The following ALPK2 variants were observed in gnomAD, a reference collection of about 807,000 sequenced individuals.
ALPK2 encodes alpha-protein kinase 2.
Under a neutral mutation model 163.1 loss-of-function variants are expected in ALPK2, and 127 were observed. The observed-to-expected ratio is 0.78, with a 90% CI of 0.67 to 0.90. The LOEUF (loss-of-function observed/expected upper bound fraction) is 0.90, where lower values mean the gene tolerates loss of function less well. Among genes scored for constraint, ALPK2 ranks in the 40% least tolerant of loss-of-function variants. ALPK2 has a pLI of 0.00. For missense variants in ALPK2, 2,360 were observed against 2,589.6 expected, an observed-to-expected ratio of 0.91 and a Z score of 1.92; for synonymous variants, 953 against 959.1, an observed-to-expected ratio of 0.99 and a Z score of 0.12.
At chr18:58,529,260 G>A (rs10451415) in intron 5 of ALPK2, 22 bp from the exon 6 acceptor site, 162,016 of 1,600,702 alleles carry the variant, frequency 0.1, 9,799 homozygotes, top group African/African-American at 0.22. Context: ...ATATTTGAAG[G>A]TCAGTGTAAC....
At chr18:58,557,776 G>A (rs1376003805) in intron 4 of ALPK2, among the ~76,000 whole-genome samples, 3 of 151,626 alleles carry the variant, frequency 2.0e-5, no homozygotes, top group Non-Finnish European at 4.4e-5. Flanking sequence ...AACCAACATT[G>A]AGGCCCAGGG....
chr18:58,619,787 A>G (rs1602243041), intron 1 of ALPK2, among the ~76,000 whole-genome samples: 1 of 152,132 alleles, frequency 6.6e-6, no homozygotes, highest in Admixed American at 6.5e-5. Context: ...CAGCAATTCC[A>G]CTCCAAGTTA....
intron 10 of ALPK2, among the ~76,000 whole-genome samples, chr18:58,513,868 CT>C (rs200652406): frequency 4.6e-5 from 7 of 151,372 alleles, no homozygotes; most frequent in Non-Finnish European, 5.9e-5. Context: ...GAGACCATGT[CT>C]CTTAAAAAAA....
intron 4 of ALPK2, among the ~76,000 whole-genome samples, chr18:58,576,122 C>T (rs1254244404): frequency 6.6e-6 from 1 of 152,022 alleles, no homozygotes; most frequent in Non-Finnish European, 1.5e-5. Flanking sequence ...GCCTGTAATC[C>T]CAGCACTTTG....
chr18:58,516,947 A>C lies in ALPK2; in HGVS notation c.5901T>G (p.Asn1967Lys), dbSNP rs768723574. Residue 1967 changes from asparagine to lysine, a missense_variant, in exon 9 of 13, where the codon AAT becomes AAG. By Grantham distance (94) the Asn-to-Lys change is moderately conservative (BLOSUM62 0). Coordinates refer to ENST00000361673, the MANE Select transcript of ALPK2 (RefSeq NM_052947.4). ...HNAIAYGTRN[N>K]DELIQRNYKL... ...TGTAGTTCCTTTGGATGAGCTCATCATTATTTCTGGTCCCATAGGCAATGG... is the reference window on the plus strand; with the variant it reads ...TGTAGTTCCTTTGGATGAGCTCATCCTTATTTCTGGTCCCATAGGCAATGG... 2.5e-6 allele frequency: 4 copies of C among 1,614,030 alleles called. No homozygotes were observed. In the South Asian group the frequency reaches 4.4e-5, roughly 18 times the overall value.
At chr18:58,493,842 T>G (rs2051387535) in intron 12 of ALPK2, among the ~76,000 whole-genome samples, 1 of 152,210 alleles carries the variant, frequency 6.6e-6, no homozygotes. Context: ...CTGTCCATAT[T>G]AATCTTATTT....
At chr18:58,602,559 C>CA (rs1281021908) in intron 3 of ALPK2, among the ~76,000 whole-genome samples, 3 of 152,110 alleles carry the variant, frequency 2.0e-5, no homozygotes, top group Non-Finnish European at 4.4e-5. Flanking sequence ...TTCCCACCGC[C>CA]ATTTTTTCTC....
chr18:58,494,071 C>A (rs1429840073), intron 12 of ALPK2, among the ~76,000 whole-genome samples: 1 of 152,158 alleles, frequency 6.6e-6, no homozygotes, highest in Admixed American at 6.5e-5. Flanking sequence ...CTCCACTGCA[C>A]GCATGGCTTT....
chr18:58,518,678 A>G (rs1273186192), intron 8 of ALPK2, among the ~76,000 whole-genome samples: 1 of 152,208 alleles, frequency 6.6e-6, no homozygotes, highest in East Asian at 1.9e-4. Context: ...ATGACTGAAG[A>G]CAACTTTAGA....
chr18:58,585,107 T>C (rs12956101), intron 3 of ALPK2, among the ~76,000 whole-genome samples: 45,185 of 152,070 alleles, frequency 0.3, 6,829 homozygotes, highest in Admixed American at 0.36. Context: ...CATGTTACCT[T>C]GAATGAAGCT....
At position 58,564,123 on chromosome 18, in the gene ALPK2, C is replaced by CTT. The variant is rs10689097; in HGVS notation, c.1962+14689_1962+14690dup. Among the ~76,000 whole-genome samples the CTT allele has an allele frequency of 1.3e-3, 137 of 102,448 alleles. 8 individuals are homozygous for CTT. The highest frequency in any genetic ancestry group is 8.8e-3 in the East Asian group (30 of 3,410). The allele number at this position is 102,448 out of a possible 152,430, so 67.2% of individuals were successfully genotyped here. A position where few individuals can be genotyped will look rare whatever the true frequency, so the allele number is the denominator to read the frequency against. On this transcript the variant is annotated intron_variant, in intron 4 of 12. Coordinates refer to ENST00000361673, the MANE Select transcript of ALPK2 (RefSeq NM_052947.4). ...GAATTGCGTATTTGATGTCTTTGTT[C>CTT]TTTTTTTTTTTTTTTTGAGATGGAG...
intron 8 of ALPK2, among the ~76,000 whole-genome samples, chr18:58,521,627 C>CTTTTTTTTTTTTT (rs398033036): frequency 0.073 from 4,019 of 55,160 alleles, 838 homozygotes; most frequent in Non-Finnish European, 0.11. Flanking sequence ...TTCTCTCTCT[C>CTTTTTTTTTTTTT]TTTTTTTTTT....
chr18:58,569,184 T>C (rs2051872227), intron 4 of ALPK2, among the ~76,000 whole-genome samples: 1 of 152,106 alleles, frequency 6.6e-6, no homozygotes. Flanking sequence ...CCAACCTGGG[T>C]GACAGAGACC....
At chr18:58,482,761 A>G (rs1162891168) in intron 12 of ALPK2, among the ~76,000 whole-genome samples, 1 of 152,172 alleles carries the variant, frequency 6.6e-6, no homozygotes, top group Non-Finnish European at 1.5e-5. Context: ...AAATACTGAA[A>G]TTATAAATGG....
At chr18:58,614,673 C>T (rs192310372) in intron 1 of ALPK2, among the ~76,000 whole-genome samples, 6,644 of 146,396 alleles carry the variant, frequency 0.045, 166 homozygotes, top group Middle Eastern at 0.062. Context: ...ATCCTCCCAC[C>T]TCAGCCTCCT....
At chr18:58,563,803 T>G (rs536769275) in intron 4 of ALPK2, among the ~76,000 whole-genome samples, 25 of 152,244 alleles carry the variant, frequency 1.6e-4, no homozygotes, top group Non-Finnish European at 3.2e-4. Context: ...TGAACCATGC[T>G]ACAATGAAAA....
Position 58,503,993 on chromosome 18 carries a change from C to G in ALPK2, c.6185G>C (p.Cys2062Ser), listed in dbSNP as rs200818664. The G allele has an allele frequency of 1.2e-6, 2 of 1,614,204 alleles. No homozygotes were observed. The highest frequency in any genetic ancestry group is 4.5e-5 in the East Asian group (2 of 44,888). The change falls in exon 11 of 13, where the codon TGC (cysteine) becomes TCC (serine). Residue 2062 changes from cysteine (C) to serine (S), a missense_variant. Cys to Ser is a moderately radical substitution (Grantham distance 112, BLOSUM62 -1). Coordinates refer to ENST00000361673, the MANE Select transcript of ALPK2 (RefSeq NM_052947.4). ...RRESEAGQKCCTFQHWVYQKT... is the reference protein window; with the variant it reads ...RRESEAGQKCSTFQHWVYQKT... Reference sequence around the variant, plus strand: ...CTGGTACACCCAGTGCTGGAAGGTGCAACATTTCTGACCAGCTTCTGATTC... The same window carrying G: ...CTGGTACACCCAGTGCTGGAAGGTGGAACATTTCTGACCAGCTTCTGATTC...
At chr18:58,611,908 G>A in intron 1 of ALPK2, 91 bp from the exon 2 acceptor site, 1 of 779,208 alleles carries the variant, frequency 1.3e-6, no homozygotes, top group Non-Finnish European at 2.0e-6. Flanking sequence ...GTGCCGCCCT[G>A]GCAGCTCACT....
chr18:58,523,953 A>G lies in ALPK2; in HGVS notation c.5611T>C (p.Phe1871Leu), dbSNP rs766181615. The G allele has an allele frequency of 1.2e-6, 2 of 1,614,162 alleles. No individual in the cohort carries two copies. Among genetic ancestry groups the G allele is most frequent in the African/African-American group, 2.7e-5 (2 of 75,048 alleles). The change falls in exon 7 of 13, where the codon TTT (phenylalanine) becomes CTT (leucine). Residue 1871 changes from phenylalanine to leucine, a missense_variant. Coordinates refer to ENST00000361673, the MANE Select transcript of ALPK2 (RefSeq NM_052947.4). ...GGTTTACCTTCAGCTGTGAGGTTAA[A>G]TTCAGCAGTCACTTTTCCGTAGCTG... ...KNSYGKVTAE[F>L]NLTAEVLKQL...
Sources: allele counts gnomAD v4.1 joint callset (sites outside exome capture counted in the v4.1 genomes callset), GRCh38; gene constraint gnomAD v4.1.1; transcripts MANE v1.5; gene names NCBI Gene and HGNC (gene_info 2026-07-23, HGNC 2026-07-21).